Variants in DAB1 observed in about 807,000 individuals in gnomAD.
DAB1 encodes disabled homolog 1.
DAB1 carries 15 observed loss-of-function variants against 64.6 expected under a neutral mutation model. That is an observed-to-expected ratio of 0.23 (90% confidence interval 0.16 to 0.36). The LOEUF (loss-of-function observed/expected upper bound fraction) is 0.36, where lower values mean the gene tolerates loss of function less well. Ranked by LOEUF, DAB1 falls within the 10% of genes least tolerant of loss-of-function variation. The pLI, the probability that DAB1 is intolerant of heterozygous loss-of-function variation, is 1.00. For synonymous variants in DAB1, 235 were observed against 251.9 expected, an observed-to-expected ratio of 0.93 and a Z score of 0.64; for missense variants, 596 against 706.7, an observed-to-expected ratio of 0.84 and a Z score of 1.78.
chr1:58,370,162 TA>T (rs1194658124), intron 3 of DAB1, among the ~76,000 whole-genome samples: 9 of 152,208 alleles, frequency 5.9e-5, no homozygotes, highest in African/African-American at 2.2e-4. Flanking sequence ...CAGCCATCAA[TA>T]GGGGAACGGA....
At chr1:58,381,663 A>G (rs1479238305) in intron 3 of DAB1, among the ~76,000 whole-genome samples, 1 of 152,206 alleles carries the variant, frequency 6.6e-6, no homozygotes, top group East Asian at 1.9e-4. Context: ...CAAGGTTTTT[A>G]AATAAACTGG....
At chr1:58,126,040 T>C (rs1007995584) in intron 5 of DAB1, among the ~76,000 whole-genome samples, 4 of 152,114 alleles carry the variant, frequency 2.6e-5, no homozygotes, top group Non-Finnish European at 2.9e-5. Context: ...GACTCCATTA[T>C]ATAAGACCCC....
chr1:57,822,616 C>T (rs1267222719), downstream of DAB1, among the ~76,000 whole-genome samples: 1 of 152,048 alleles, frequency 6.6e-6, no homozygotes, highest in African/African-American at 2.4e-5. Flanking sequence ...CATGAAAGTC[C>T]AGATAAAATA....
At chr1:57,360,492 C>CA (rs367551313) in intron 1 of DAB1, among the ~76,000 whole-genome samples, 465 of 152,206 alleles carry the variant, frequency 3.1e-3, no homozygotes, top group African/African-American at 0.01. Flanking sequence ...GTTCACTGTG[C>CA]ATCATGTTTA....
chr1:58,160,519 G>A (rs749529068), intron 4 of DAB1, among the ~76,000 whole-genome samples: 1 of 152,076 alleles, frequency 6.6e-6, no homozygotes, highest in Non-Finnish European at 1.5e-5. Flanking sequence ...ATGAACTTGG[G>A]CTGAGTTGCA....
At chr1:57,361,301 A>T (rs370249639) in intron 1 of DAB1, among the ~76,000 whole-genome samples, 1 of 152,178 alleles carries the variant, frequency 6.6e-6, no homozygotes, top group African/African-American at 2.4e-5. Context: ...GCAGAAAGAG[A>T]TGAAGCTGAA....
At chr1:57,994,368 A>AT (rs1250623704) in intron 5 of DAB1, among the ~76,000 whole-genome samples, 1 of 152,236 alleles carries the variant, frequency 6.6e-6, no homozygotes, top group Non-Finnish European at 1.5e-5. Context: ...AGAGCATGGC[A>AT]TCTGCAACCT....
intron 5 of DAB1, among the ~76,000 whole-genome samples, chr1:58,079,525 T>G (rs1234226320): frequency 1.5e-5 from 2 of 137,852 alleles, no homozygotes; most frequent in Non-Finnish European, 3.1e-5. Context: ...CTTTTTTTTT[T>G]TTTTTTTTTT....
At chr1:58,414,680 C>A (rs933530306) in intron 3 of DAB1, among the ~76,000 whole-genome samples, 1 of 151,400 alleles carries the variant, frequency 6.6e-6, no homozygotes, top group Non-Finnish European at 1.5e-5. Context: ...AGCTTTTAGA[C>A]CTTCCTTTAA....
chr1:57,981,096 C>T (rs1332325070), intron 5 of DAB1, among the ~76,000 whole-genome samples: 4 of 151,892 alleles, frequency 2.6e-5, no homozygotes, highest in Non-Finnish European at 5.9e-5. Flanking sequence ...AGAGAACAAA[C>T]CTAGCTCTAC....
At chr1:57,841,451 C>T (rs1653043601) in intron 1 of DAB1, among the ~76,000 whole-genome samples, 1 of 152,220 alleles carries the variant, frequency 6.6e-6, no homozygotes, top group Non-Finnish European at 1.5e-5. Context: ...TCCCACATTT[C>T]CCCTCTGCAT....
intron 6 of DAB1, among the ~76,000 whole-genome samples, chr1:57,797,786 T>C (rs1001082538): frequency 1.5e-4 from 23 of 152,250 alleles, no homozygotes; most frequent in Non-Finnish European, 2.6e-4. Context: ...ATTTCTCATC[T>C]GAATTGGGAA....
chr1:57,252,045 A>T (rs1570057096), intron 2 of DAB1, among the ~76,000 whole-genome samples: 2 of 152,254 alleles, frequency 1.3e-5, no homozygotes, highest in South Asian at 4.1e-4. Context: ...GATAAGTCAC[A>T]GCTATTGTTA....
At chr1:57,333,367 C>A (rs2100803876) in intron 1 of DAB1, among the ~76,000 whole-genome samples, 1 of 152,334 alleles carries the variant, frequency 6.6e-6, no homozygotes, top group Middle Eastern at 3.4e-3. Context: ...TTCTCAGCAT[C>A]CTCATCTCCG....
At chr1:57,958,877 C>A (rs545515887) in intron 5 of DAB1, among the ~76,000 whole-genome samples, 1 of 152,168 alleles carries the variant, frequency 6.6e-6, no homozygotes, top group Non-Finnish European at 1.5e-5. Context: ...AAATTAGAGA[C>A]GATTCTAATG....
chr1:57,894,344 A>C (rs916107704), intron 5 of DAB1, among the ~76,000 whole-genome samples: 1 of 152,182 alleles, frequency 6.6e-6, no homozygotes, highest in Admixed American at 6.5e-5. Flanking sequence ...GAGGACCTGC[A>C]TGGATTTGCC....
At chr1:57,913,342 G>A (rs1265313875) in intron 5 of DAB1, among the ~76,000 whole-genome samples, 1 of 152,150 alleles carries the variant, frequency 6.6e-6, no homozygotes, top group East Asian at 1.9e-4. Context: ...AAGAAATGGG[G>A]AAAGGATTCC....
chr1:57,710,991 C>T (rs1647021821), intron 6 of DAB1, among the ~76,000 whole-genome samples: 1 of 152,144 alleles, frequency 6.6e-6, no homozygotes, highest in East Asian at 1.9e-4. Context: ...ATGCAAAAAC[C>T]TGAAAAGACA....
chr1:58,092,778 T>C (rs1163687891), intron 5 of DAB1, among the ~76,000 whole-genome samples: 3 of 152,130 alleles, frequency 2.0e-5, no homozygotes, highest in Admixed American at 2.0e-4. Context: ...GGGTGATGGT[T>C]TGGATAGTGG....
Sources: allele counts gnomAD v4.1 joint callset (sites outside exome capture counted in the v4.1 genomes callset), GRCh38; gene constraint gnomAD v4.1.1; transcripts MANE v1.5; gene names NCBI Gene and HGNC (gene_info 2026-07-23, HGNC 2026-07-21).